SMAD3: variants seen among roughly 807,000 people sequenced by gnomAD.
SMAD3 encodes the protein SMAD family member 3.
A neutral mutation model predicts 51.8 loss-of-function variants in SMAD3; 12 were observed. The observed-to-expected ratio is 0.23, with a 90% CI of 0.15 to 0.38. SMAD3 has a LOEUF of 0.38. Among genes scored for constraint, SMAD3 ranks in the 10% least tolerant of loss-of-function variants. The pLI, the probability that SMAD3 is intolerant of heterozygous loss-of-function variation, is 1.00. For missense variants in SMAD3, 294 were observed against 565.6 expected (o/e 0.52, Z 4.87); for synonymous variants, 238 against 227.7 (o/e 1.05, Z -0.41).
intron 8 of SMAD3, 52 bp from the exon 9 acceptor site, chr15:67,190,361 C>T (rs974652556): frequency 1.3e-6 from 2 of 1,561,500 alleles, no homozygotes; most frequent in Non-Finnish European, 1.8e-6. Flanking sequence ...TTGTGTAACC[C>T]CCTGGAGATT....
intron 1 of SMAD3, among the ~76,000 whole-genome samples, chr15:67,113,565 A>G (rs1961071148): frequency 1.3e-5 from 2 of 152,238 alleles, no homozygotes; most frequent in South Asian, 2.1e-4. Flanking sequence ...AACAACTAAT[A>G]TGTTGTAAGG....
intron 1 of SMAD3, among the ~76,000 whole-genome samples, chr15:67,134,364 G>A (rs532336229): frequency 1.3e-5 from 2 of 152,256 alleles, no homozygotes; most frequent in Non-Finnish European, 2.9e-5. Flanking sequence ...CCTTTAAGAT[G>A]CCATCCAGCC....
intron 1 of SMAD3, among the ~76,000 whole-genome samples, chr15:67,115,629 C>G (rs891087573): frequency 1.4e-4 from 21 of 151,172 alleles, no homozygotes; most frequent in African/African-American, 4.9e-4. Context: ...ATTCCCTCAT[C>G]AGTAAAGCAA....
intron 1 of SMAD3, among the ~76,000 whole-genome samples, chr15:67,107,673 C>G (rs930456485): frequency 8.5e-5 from 13 of 152,252 alleles, no homozygotes; most frequent in Non-Finnish European, 1.6e-4. Context: ...GGGCCTCCCT[C>G]TGTCCCTCCA....
At chr15:67,079,166 C>T (rs1265839874) in intron 1 of SMAD3, among the ~76,000 whole-genome samples, 18 of 151,964 alleles carry the variant, frequency 1.2e-4, no homozygotes, top group African/African-American at 2.7e-4. Context: ...TTAGTAAAGA[C>T]GGGGTTTTTC....
intron 6 of SMAD3, 79 bp downstream of exon 6, chr15:67,181,532 A>C: frequency 3.4e-6 from 4 of 1,178,056 alleles, no homozygotes; most frequent in South Asian, 1.3e-5. Flanking sequence ...GCCTGAACAC[A>C]CAGCCTCTGA....
At chr15:67,108,155 G>T (rs889508784) in intron 1 of SMAD3, among the ~76,000 whole-genome samples, 3 of 152,112 alleles carry the variant, frequency 2.0e-5, no homozygotes, top group South Asian at 2.1e-4. Flanking sequence ...TTGCCCTCGG[G>T]GGCTCCGGTA....
chr15:67,124,817 G>A (rs1360278945), intron 1 of SMAD3, among the ~76,000 whole-genome samples: 10 of 152,220 alleles, frequency 6.6e-5, no homozygotes, highest in South Asian at 6.2e-4. Context: ...CAGGGCAGCC[G>A]GGGAGAGGCT....
chr15:67,066,130 C>T lies in SMAD3; in HGVS notation c.-25C>T. On this transcript the variant is annotated 5_prime_UTR_variant, in exon 1 of 9. Transcript: ENST00000327367. The stretch of plus-strand genomic sequence containing the variant: ...GCCCAGCCCCGCCGGGGGCGCTCCT[C>T]GCCGCCCGCGCGCCCTCCCCAGCCA... 1 of 1,553,652 alleles carries T rather than the reference C, an allele frequency of 6.4e-7. No homozygotes were observed.
intron 1 of SMAD3, among the ~76,000 whole-genome samples, chr15:67,142,250 T>C (rs1403299726): frequency 6.8e-6 from 1 of 146,666 alleles, no homozygotes; most frequent in Non-Finnish European, 1.5e-5. Flanking sequence ...GTTTAATAGC[T>C]AGGTTTTTTT....
intron 5 of SMAD3, among the ~76,000 whole-genome samples, chr15:67,180,319 G>C (rs1412563596): frequency 6.6e-6 from 1 of 152,040 alleles, no homozygotes; most frequent in Non-Finnish European, 1.5e-5. Context: ...AGGGCCACTG[G>C]GCCGGGGCAA....
Position 67,190,768 on chromosome 15 carries a change from C to G in SMAD3, c.*232C>G. The G allele has an allele frequency of 1.7e-6, 1 of 582,670 alleles. No individual in the cohort carries two copies. Among genetic ancestry groups the G allele is most frequent in the Non-Finnish European group, 3.1e-6 (1 of 324,500 alleles). 36.1% of individuals were successfully genotyped at this position (582,670 alleles called of 1,614,324 possible). On this transcript the variant is annotated 3_prime_UTR_variant, in exon 9 of 9. Transcript: ENST00000327367. ...TACCCTTTGGCCCCACTTTGAAGGG[C>G]AAGAAATGGCGTCTGCTCTGGTGGC...
chr15:67,142,637 T>C, intron 1 of SMAD3: 1 of 278,454 alleles, frequency 3.6e-6, no homozygotes, highest in South Asian at 3.0e-5. Flanking sequence ...AATGGACATC[T>C]GGTTTGTTTT....
chr15:67,101,601 G>A (rs1391817057), intron 1 of SMAD3, among the ~76,000 whole-genome samples: 1 of 152,166 alleles, frequency 6.6e-6, no homozygotes, highest in South Asian at 2.1e-4. Flanking sequence ...TTAAATATCT[G>A]TGTAATCCCT....
chr15:67,183,017 ATATATATATATATATTTT>A lies in SMAD3; in HGVS notation c.871+1566_871+1583del, dbSNP rs1963118012. Among the ~76,000 whole-genome samples the A allele has an allele frequency of 1.9e-4, 14 of 73,504 alleles. 2 individuals are homozygous for A. The highest frequency in any genetic ancestry group is 1.3e-3 in the Admixed American group (8 of 6,156). 48.2% of individuals were successfully genotyped at this position (73,504 alleles called of 152,430 possible). On this transcript the variant is annotated intron_variant, in intron 6 of 8. Transcript: ENST00000327367. ...AAAAAAAAAATATATATATATATAT[ATATATATATATATATTTT>A]TTTTTTTTTTTTTTTTGGAGCGGGG...
At chr15:67,114,151 A>C (rs1961084896) in intron 1 of SMAD3, among the ~76,000 whole-genome samples, 2 of 152,172 alleles carry the variant, frequency 1.3e-5, no homozygotes, top group Non-Finnish European at 2.9e-5. Flanking sequence ...CTTTGGAGTG[A>C]AGGTAAGCAG....
intron 1 of SMAD3, among the ~76,000 whole-genome samples, chr15:67,150,621 G>A (rs1962105859): frequency 4.6e-5 from 7 of 152,148 alleles, no homozygotes; most frequent in Admixed American, 4.6e-4. Context: ...AGAGGGCAGA[G>A]AGAGGATACC....
intron 1 of SMAD3, among the ~76,000 whole-genome samples, chr15:67,155,927 A>G (rs1438197799): frequency 3.3e-5 from 5 of 152,084 alleles, no homozygotes; most frequent in Admixed American, 6.5e-5. Context: ...CAGAGGTTGC[A>G]GTGAGCCAAG....
At chr15:67,077,300 G>A (rs1158398320) in intron 1 of SMAD3, among the ~76,000 whole-genome samples, 1 of 152,184 alleles carries the variant, frequency 6.6e-6, no homozygotes, top group Non-Finnish European at 1.5e-5. Context: ...GGCCACAACT[G>A]AATCCCAGTC....
Sources: allele counts gnomAD v4.1 joint callset (sites outside exome capture counted in the v4.1 genomes callset), GRCh38; gene constraint gnomAD v4.1.1; transcripts MANE v1.5; gene names NCBI Gene and HGNC (gene_info 2026-07-23, HGNC 2026-07-21).